Variants in MAGI1 observed in about 807,000 individuals in gnomAD.
MAGI1 encodes the protein membrane-associated guanylate kinase, WW and PDZ domain-containing protein 1.
A neutral mutation model predicts 139.9 loss-of-function variants in MAGI1; 58 were observed. That is an observed-to-expected ratio of 0.41 (90% CI 0.34 to 0.52). The LOEUF (loss-of-function observed/expected upper bound fraction) is 0.52, where lower values mean the gene tolerates loss of function less well. Ranked by LOEUF, MAGI1 falls within the 20% of genes least tolerant of loss-of-function variation. MAGI1 has a pLI of 0.12. For missense variants in MAGI1, 1,874 were observed against 1,901.6 expected, an observed-to-expected ratio of 0.99 and a Z score of 0.27; for synonymous variants, 812 against 737.9, an observed-to-expected ratio of 1.10 and a Z score of -1.63.
At chr3:65,871,998 G>C (rs1194163130) in intron 1 of MAGI1, among the ~76,000 whole-genome samples, 1 of 152,104 alleles carries the variant, frequency 6.6e-6, no homozygotes, top group Non-Finnish European at 1.5e-5. Context: ...CAATACACTG[G>C]TGTCAACTTA....
chr3:65,598,305 T>C (rs2106814107), intron 2 of MAGI1, among the ~76,000 whole-genome samples: 1 of 152,144 alleles, frequency 6.6e-6, no homozygotes, highest in Non-Finnish European at 1.5e-5. Context: ...TGGGAGCCCC[T>C]GGACATGGAA....
intron 1 of MAGI1, among the ~76,000 whole-genome samples, chr3:65,894,484 A>AT (rs937785187): frequency 1.1e-4 from 16 of 152,374 alleles, no homozygotes; most frequent in African/African-American, 3.8e-4. Context: ...CCAAATATAA[A>AT]TTATCAAATT....
At chr3:65,623,381 A>T (rs2083789803) in intron 1 of MAGI1, among the ~76,000 whole-genome samples, 1 of 152,216 alleles carries the variant, frequency 6.6e-6, no homozygotes, top group Admixed American at 6.5e-5. Context: ...AAAATGTGTC[A>T]TAGAAAAGAG....
At chr3:65,815,296 G>A (rs1378637725) in intron 1 of MAGI1, among the ~76,000 whole-genome samples, 1 of 152,272 alleles carries the variant, frequency 6.6e-6, no homozygotes, top group African/African-American at 2.4e-5. Flanking sequence ...TTTAAAGAAC[G>A]AAGCACTACC....
At chr3:65,425,855 A>T (rs571726543) in intron 12 of MAGI1, among the ~76,000 whole-genome samples, 10 of 152,214 alleles carry the variant, frequency 6.6e-5, no homozygotes, top group South Asian at 4.1e-4. Context: ...AGCCTTTTTT[A>T]AAAAAAGTAA....
At chr3:65,908,418 G>A (rs1415888783) in intron 1 of MAGI1, among the ~76,000 whole-genome samples, 1 of 151,762 alleles carries the variant, frequency 6.6e-6, no homozygotes, top group East Asian at 1.9e-4. Context: ...ATTCTCTGCT[G>A]GAATTACAGG....
chr3:65,583,105 CTCATACTAAGTCT>C (rs1449055982), intron 2 of MAGI1, among the ~76,000 whole-genome samples: 1 of 152,108 alleles, frequency 6.6e-6, no homozygotes, highest in Non-Finnish European at 1.5e-5. Context: ...CCTTTTATCT[CTCATACTAAGTCT>C]TCAAAATTGG....
chr3:65,755,771 G>C (rs2036517903), intron 1 of MAGI1, among the ~76,000 whole-genome samples: 1 of 152,108 alleles, frequency 6.6e-6, no homozygotes, highest in Non-Finnish European at 1.5e-5. Flanking sequence ...ATTCTGCAAA[G>C]TTACCATTAT....
At chr3:65,387,270 C>T in intron 14 of MAGI1, 1 of 1,423,364 alleles carries the variant, frequency 7.0e-7, no homozygotes, top group Non-Finnish European at 9.9e-7. Flanking sequence ...AATGTACATT[C>T]TTTCTCTTAG....
chr3:65,664,175 A>T (rs1378524736), intron 1 of MAGI1, among the ~76,000 whole-genome samples: 1 of 152,192 alleles, frequency 6.6e-6, no homozygotes, highest in Non-Finnish European at 1.5e-5. Flanking sequence ...GATATTTCAC[A>T]GAATGCTCAT....
intron 8 of MAGI1, among the ~76,000 whole-genome samples, chr3:65,441,647 A>G (rs1238937920): frequency 5.9e-5 from 9 of 152,060 alleles, no homozygotes; most frequent in Non-Finnish European, 1.3e-4. Flanking sequence ...AATAGCAAAA[A>G]CCCCACAGTA....
At chr3:65,887,389 G>A (rs1239072998) in intron 1 of MAGI1, among the ~76,000 whole-genome samples, 39 of 121,246 alleles carry the variant, frequency 3.2e-4, no homozygotes, top group Non-Finnish European at 4.0e-4. Context: ...ACTGATACCA[G>A]AAAAAAAAAA....
At chr3:65,699,006 C>A (rs1397372489) in intron 1 of MAGI1, among the ~76,000 whole-genome samples, 1 of 133,696 alleles carries the variant, frequency 7.5e-6, no homozygotes, top group African/African-American at 3.0e-5. Context: ...CCAGAATCTA[C>A]AATGAACTCA....
intron 2 of MAGI1, among the ~76,000 whole-genome samples, chr3:65,616,565 T>C (rs78815622): frequency 0.038 from 5,846 of 152,280 alleles, 173 homozygotes; most frequent in African/African-American, 0.086. Context: ...ATTGCTATTG[T>C]TACTAGTCAT....
In MAGI1 at chr3:65,887,553, T is replaced by C. The variant is rs376881138; in HGVS notation, c.313+150443A>G. ...ACCATAAAACCTGTATCTATTTCTT[T>C]AACTTCCTTACCTTTACCAAATACC... On this transcript the variant is annotated intron_variant, in intron 1 of 22. Transcript: ENST00000402939. Among the ~76,000 whole-genome samples, 26 of 152,286 alleles carry C rather than the reference T, an allele frequency of 1.7e-4. 1 individual carries two copies. Among genetic ancestry groups the C allele is most frequent in the African/African-American group, 6.3e-4 (26 of 41,556 alleles).
At position 66,013,129 on chromosome 3, in the gene MAGI1, C is replaced by T. The variant is rs910091761; in HGVS notation, c.313+24867G>A. ...AAGAAGAACTTCAATTCTGGCTGGG[C>T]ACAGCGGCTCACGCCTGCAATCCCA... is the stretch of plus-strand genomic sequence containing the variant. On this transcript the variant is annotated intron_variant, in intron 1 of 22. Coordinates refer to ENST00000402939, the MANE Select transcript of MAGI1 (RefSeq NM_001033057.2). Among the ~76,000 whole-genome samples, 11 of 152,262 alleles carry T rather than the reference C, an allele frequency of 7.2e-5. No individual in the cohort carries two copies. In the East Asian group the frequency reaches 2.1e-3, roughly 29 times the overall value.
At chr3:66,033,377 G>T (rs2068745948) in intron 1 of MAGI1, among the ~76,000 whole-genome samples, 1 of 152,142 alleles carries the variant, frequency 6.6e-6, no homozygotes, top group Non-Finnish European at 1.5e-5. Flanking sequence ...CTTGGGAACA[G>T]CAAGTATACG....
intron 1 of MAGI1, among the ~76,000 whole-genome samples, chr3:65,696,176 C>T (rs1261686032): frequency 6.6e-6 from 1 of 152,148 alleles, no homozygotes; most frequent in Non-Finnish European, 1.5e-5. Flanking sequence ...AGAAACATCC[C>T]CCTTCCCTAA....
chr3:65,606,488 A>G (rs6445487), intron 2 of MAGI1, among the ~76,000 whole-genome samples: 107,992 of 151,000 alleles, frequency 0.72, 39,013 homozygotes, highest in Non-Finnish European at 0.75. Flanking sequence ...TTACAGGTGT[A>G]TGCCACCACA....
Sources: allele counts gnomAD v4.1 joint callset (sites outside exome capture counted in the v4.1 genomes callset), GRCh38; gene constraint gnomAD v4.1.1; transcripts MANE v1.5; gene names NCBI Gene and HGNC (gene_info 2026-07-23, HGNC 2026-07-21).